The following GABRA2 variants were observed in gnomAD, a reference collection of about 807,000 sequenced individuals.
The protein encoded by GABRA2 is gamma-aminobutyric acid type A receptor subunit alpha2, also known as gamma-aminobutyric acid receptor subunit alpha-2.
GABRA2 carries 16 observed loss-of-function variants against 48.7 expected under a neutral mutation model. That is an observed-to-expected ratio of 0.33 (90% CI 0.22 to 0.50). The LOEUF (loss-of-function observed/expected upper bound fraction) is 0.50, where lower values mean the gene tolerates loss of function less well. GABRA2 is among the 20% of genes least tolerant of loss of function. GABRA2 has a pLI of 0.98. For synonymous variants in GABRA2, 185 were observed against 184.5 expected, an observed-to-expected ratio of 1.00 and a Z score of -0.02; for missense variants, 275 against 535.6, an observed-to-expected ratio of 0.51 and a Z score of 4.80.
chr4:46,300,076 TGA>T (rs1725475871), intron 8 of GABRA2, among the ~76,000 whole-genome samples: 2 of 151,986 alleles, frequency 1.3e-5, no homozygotes, highest in African/African-American at 4.8e-5. Flanking sequence ...ATGATAACAA[TGA>T]CTCACCTTTC....
At chr4:46,320,487 T>C (rs1303858532) in intron 4 of GABRA2, among the ~76,000 whole-genome samples, 6 of 151,836 alleles carry the variant, frequency 4.0e-5, no homozygotes, top group African/African-American at 1.4e-4. Flanking sequence ...ATCAACAAAA[T>C]ATAAAGGTAG....
At chr4:46,269,807 T>C (rs532837095) in intron 8 of GABRA2, among the ~76,000 whole-genome samples, 328 of 152,040 alleles carry the variant, frequency 2.2e-3, no homozygotes, top group African/African-American at 7.4e-3. Flanking sequence ...TATGGTAATA[T>C]TAGTTATTTA....
chr4:46,261,138 C>T (rs924048686), intron 9 of GABRA2: 3 of 151,946 alleles, frequency 2.0e-5, no homozygotes, highest in African/African-American at 7.2e-5. Flanking sequence ...ACATAATCTA[C>T]AGAGTATGAA....
At position 46,302,547 on chromosome 4, in the gene GABRA2, T is replaced by G. The variant is rs538535096; in HGVS notation, c.856+913A>C. On this transcript the variant is annotated intron_variant, in intron 8 of 9. Transcript: ENST00000381620. ...CTCTCTTCCTCCCTCCCTTTCTACC[T>G]GTTTCTAACTTAAAGTTTTAAGATC... The G allele has an allele frequency of 3.9e-5, 6 of 152,266 alleles. No homozygotes were observed. In the East Asian group the frequency reaches 1.2e-3, roughly 29 times the overall value. The allele number at this position is 152,266 out of a possible 1,614,324, so 9.4% of individuals were successfully genotyped here. A position where few individuals can be genotyped will look rare whatever the true frequency, so the allele number is the denominator to read the frequency against.
At chr4:46,365,676 T>A (rs1201858257) in intron 3 of GABRA2, 1 of 152,080 alleles carries the variant, frequency 6.6e-6, no homozygotes, top group East Asian at 1.9e-4. Flanking sequence ...GAAACTGAGG[T>A]TTAGAGAAGG....
chr4:46,320,407 G>A (rs1578037637), intron 4 of GABRA2, among the ~76,000 whole-genome samples: 1 of 151,714 alleles, frequency 6.6e-6, no homozygotes, highest in African/African-American at 2.4e-5. Flanking sequence ...CAAAAGCTCA[G>A]GCAACAAATG....
chr4:46,387,499 TAAATA>T (rs1717628362), intron 2 of GABRA2, among the ~76,000 whole-genome samples: 1 of 152,168 alleles, frequency 6.6e-6, no homozygotes, highest in African/African-American at 2.4e-5. Context: ...ATCTACAAAT[TAAATA>T]AGTGTATCAC....
chr4:46,306,650 T>C (rs1472186186), intron 6 of GABRA2, among the ~76,000 whole-genome samples: 1 of 152,176 alleles, frequency 6.6e-6, no homozygotes, highest in African/African-American at 2.4e-5. Context: ...AGAGATGTCG[T>C]TACCCCTAGT....
At chr4:46,289,912 T>TTATTTATTTATTTATTTATTTTTA (rs1560482683) in intron 8 of GABRA2, among the ~76,000 whole-genome samples, 1 of 143,798 alleles carries the variant, frequency 7.0e-6, no homozygotes, top group African/African-American at 2.6e-5. Context: ...TATTTATTTT[T>TTATTTATTTATTTATTTATTTTTA]ATTTTTTTTT....
chr4:46,273,500 TGC>T (rs1185918230), intron 8 of GABRA2, among the ~76,000 whole-genome samples: 312 of 23,944 alleles, frequency 0.013, no homozygotes, highest in African/African-American at 0.045. Context: ...TATATATATA[TGC>T]ATATATATAT....
In GABRA2 at chr4:46,283,747, G is replaced by A. The variant is rs185493465; in HGVS notation, c.856+19713C>T. Among the ~76,000 whole-genome samples the A allele has an allele frequency of 5.3e-5, 8 of 152,192 alleles. No homozygotes were observed. In the East Asian group the frequency reaches 1.5e-3, roughly 29 times the overall value. Reference sequence around the variant, plus strand: ...TAACAGATGTTATTGTTTGATTCGAGTTTCTTAGTTTTTCTGTTTGTTTGT... The same window carrying A: ...TAACAGATGTTATTGTTTGATTCGAATTTCTTAGTTTTTCTGTTTGTTTGT... On this transcript the variant is annotated intron_variant, in intron 8 of 9. Coordinates refer to ENST00000381620, the MANE Select transcript of GABRA2 (RefSeq NM_000807.4).
intron 8 of GABRA2, among the ~76,000 whole-genome samples, chr4:46,286,397 C>T (rs1169383672): frequency 2.0e-5 from 3 of 151,988 alleles, no homozygotes; most frequent in Non-Finnish European, 2.9e-5. Flanking sequence ...GAGAATAATG[C>T]TGCTGTAAAC....
chr4:46,328,943 T>C (rs913769921), intron 4 of GABRA2, among the ~76,000 whole-genome samples: 1 of 152,066 alleles, frequency 6.6e-6, no homozygotes, highest in African/African-American at 2.4e-5. Flanking sequence ...AAAATGTATA[T>C]TTTTTTAATT....
chr4:46,364,833 A>G (rs1713794713), intron 3 of GABRA2: 1 of 152,210 alleles, frequency 6.6e-6, no homozygotes, highest in Admixed American at 6.6e-5. Flanking sequence ...CCATATAACA[A>G]AAACTAATCA....
At chr4:46,252,724 T>C (rs968894927) in intron 9 of GABRA2, among the ~76,000 whole-genome samples, 5 of 151,466 alleles carry the variant, frequency 3.3e-5, no homozygotes, top group African/African-American at 1.2e-4. Context: ...CAACTTATAA[T>C]GTATATAACA....
rs560936889 is a variant in GABRA2 at position 46,306,546 on chromosome 4, G to A, written c.560-835C>T. Among the ~76,000 whole-genome samples the A allele has an allele frequency of 2.1e-4, 32 of 152,276 alleles. No individual in the cohort carries two copies. In the Middle Eastern group the frequency reaches 0.014, roughly 65 times the overall value. On this transcript the variant is annotated intron_variant, in intron 6 of 9. Coordinates refer to ENST00000381620, the MANE Select transcript of GABRA2 (RefSeq NM_000807.4). ...GGGGAACAGATAACCTCTCCATGCA[G>A]GCAGAGTCCCTCCACAGTTGAGTAA...
intron 3 of GABRA2, chr4:46,364,445 G>A (rs999647738): frequency 3.3e-5 from 5 of 152,152 alleles, no homozygotes; most frequent in Non-Finnish European, 5.9e-5. Context: ...AGTTCTGTAG[G>A]TCAGAAGTCC....
intron 4 of GABRA2, among the ~76,000 whole-genome samples, chr4:46,320,572 T>A (rs1339895522): frequency 1.3e-5 from 2 of 151,850 alleles, no homozygotes; most frequent in African/African-American, 4.8e-5. Flanking sequence ...CATAAGGAAT[T>A]CACACAACTC....
chr4:46,274,984 T>C (rs1041229025), intron 8 of GABRA2, among the ~76,000 whole-genome samples: 1 of 152,114 alleles, frequency 6.6e-6, no homozygotes, highest in Non-Finnish European at 1.5e-5. Flanking sequence ...ACTGCTTAAA[T>C]GGATGCCTAG....
Sources: allele counts gnomAD v4.1 joint callset (sites outside exome capture counted in the v4.1 genomes callset), GRCh38; gene constraint gnomAD v4.1.1; transcripts MANE v1.5; gene names NCBI Gene and HGNC (gene_info 2026-07-23, HGNC 2026-07-21).